The following NDUFB1 variants were observed in gnomAD, a reference collection of about 807,000 sequenced individuals.
The protein encoded by NDUFB1 is NADH dehydrogenase [ubiquinone] 1 beta subcomplex subunit 1.
In NDUFB1, 6 loss-of-function variants were observed where a neutral mutation model predicts 6.7. That is an observed-to-expected ratio of 0.89 (90% CI 0.49 to 1.76). NDUFB1 has a LOEUF of 1.76. Ranked by LOEUF, NDUFB1 falls within the 40% of genes most tolerant of loss-of-function variation. The pLI is 0.01. For synonymous variants in NDUFB1, 17 were observed against 22.9 expected, an observed-to-expected ratio of 0.74 and a Z score of 0.74; for missense variants, 56 against 71.0, an observed-to-expected ratio of 0.79 and a Z score of 0.76.
intron 1 of NDUFB1, chr14:92,118,227 A>G (rs1315751688): frequency 6.5e-6 from 1 of 153,136 alleles, no homozygotes; most frequent in African/African-American, 2.4e-5. Context: ...GATACGATAC[A>G]GAGCAGAGAA....
chr14:92,119,174 T>C (rs1235469584), intron 1 of NDUFB1, among the ~76,000 whole-genome samples: 1 of 151,850 alleles, frequency 6.6e-6, no homozygotes, highest in Admixed American at 6.6e-5. Flanking sequence ...TAGCTGGGTG[T>C]GGTAGTATAT....
At chr14:92,118,998 G>T in intron 1 of NDUFB1, 1 of 334,310 alleles carries the variant, frequency 3.0e-6, no homozygotes, top group East Asian at 1.4e-4. Context: ...GAAAAAAAAA[G>T]GCAAAGGGAG....
rs571302889 is a variant in NDUFB1, at chr14:92,116,338, T to C, written c.141-109A>G. The C allele has an allele frequency of 6.5e-3, 6,151 of 942,032 alleles. 13 individuals are homozygous for C. The highest frequency in any genetic ancestry group is 0.013 in the Middle Eastern group (39 of 2,920). The allele number at this position is 942,032 out of a possible 1,614,324, so 58.4% of individuals were successfully genotyped here. ...ATTGCAATATTTCATTTTCTTTTTTTTTTTTTTTTTTTTGAGACGAAGTCT... is the reference window on the plus strand; with the variant it reads ...ATTGCAATATTTCATTTTCTTTTTTCTTTTTTTTTTTTTGAGACGAAGTCT... On this transcript the variant is annotated intron_variant, in intron 2 of 2. Transcript: ENST00000605997.
chr14:92,117,020 C>A (rs889184172), intron 2 of NDUFB1, among the ~76,000 whole-genome samples: 2 of 152,218 alleles, frequency 1.3e-5, no homozygotes, highest in Non-Finnish European at 2.9e-5. Context: ...GAGGAGCCAT[C>A]TCTAGAGGCA....
chr14:92,121,552 A>G (rs111572939), intron 1 of NDUFB1, 90 bp downstream of exon 1: 5 of 1,582,420 alleles, frequency 3.2e-6, no homozygotes, highest in Non-Finnish European at 2.6e-6. Flanking sequence ...CCCTCCACAC[A>G]TGCACAGCAC....
At chr14:92,116,281 G>T in intron 2 of NDUFB1, 52 bp from the exon 3 acceptor site, 1 of 1,411,710 alleles carries the variant, frequency 7.1e-7, no homozygotes, top group Non-Finnish European at 1.0e-6. Flanking sequence ...ATAAAACTGT[G>T]ATACGAGATA....
At position 92,121,586 on chromosome 14, in the gene NDUFB1, C is replaced by T. The variant is rs536743414; in HGVS notation, c.-6+56G>A. 4 of 1,609,038 alleles carry T rather than the reference C, an allele frequency of 2.5e-6. No homozygotes were observed. In the African/African-American group the frequency reaches 5.3e-5, roughly 21 times the overall value. Reference sequence around the variant, plus strand: ...ACCGAGGGCTTGCCTAGAACCCTCCCCGCCACCGTCGCCGTGATCCTCGTC... The same window carrying T: ...ACCGAGGGCTTGCCTAGAACCCTCCTCGCCACCGTCGCCGTGATCCTCGTC... On this transcript the variant is annotated intron_variant, in intron 1 of 2. Transcript: ENST00000605997.
At chr14:92,121,544 C>T (rs2068763959) in intron 1 of NDUFB1, 98 bp downstream of exon 1, 1 of 1,563,320 alleles carries the variant, frequency 6.4e-7, no homozygotes, top group Non-Finnish European at 8.7e-7. Flanking sequence ...CAGACCACCC[C>T]TCCACACATG....
chr14:92,116,821 C>G (rs76697170), intron 2 of NDUFB1, among the ~76,000 whole-genome samples: 1 of 152,142 alleles, frequency 6.6e-6, no homozygotes, highest in African/African-American at 2.4e-5. Flanking sequence ...TGAGTTCATT[C>G]GAAATGTTTT....
chr14:92,117,010 G>A (rs576748530), intron 2 of NDUFB1, among the ~76,000 whole-genome samples: 22 of 152,298 alleles, frequency 1.4e-4, no homozygotes, highest in African/African-American at 5.1e-4. Flanking sequence ...TCTGCTGCCA[G>A]AGGAGCCATC....
At chr14:92,116,386 T>C (rs1596115491) in intron 2 of NDUFB1, among the ~76,000 whole-genome samples, 157 bp from the exon 3 acceptor site, 2 of 141,240 alleles carry the variant, frequency 1.4e-5, no homozygotes, top group African/African-American at 2.7e-5. Context: ...CAGGCTGGAG[T>C]GCAGTGGCAC....
rs192078818 is a variant in NDUFB1, at chr14:92,119,290, C to A, written c.-5-1648G>T. 1.5e-4 allele frequency among the ~76,000 whole-genome samples: 22 copies of A among 142,670 alleles called. 2 individuals carry two copies. Among genetic ancestry groups the A allele is most frequent in the African/African-American group, 5.4e-4 (20 of 36,938 alleles). The allele number at this position is 142,670 out of a possible 152,430, so 93.6% of individuals were successfully genotyped here. ...TCACACCACTGTACTCTAGCCTGGA[C>A]GACAGAGCGTGATGCTGTCTCAAAA... On this transcript the variant is annotated intron_variant, in intron 1 of 2. Transcript: ENST00000605997.
At chr14:92,117,455 C>T in intron 2 of NDUFB1, 43 bp downstream of exon 2, 1 of 1,607,872 alleles carries the variant, frequency 6.2e-7, no homozygotes, top group Middle Eastern at 2.3e-4. Context: ...AAGAATATTC[C>T]CCAAATTTGG....
At chr14:92,120,862 CTT>C (rs2068755211) in intron 1 of NDUFB1, among the ~76,000 whole-genome samples, 1 of 145,094 alleles carries the variant, frequency 6.9e-6, no homozygotes, top group Non-Finnish European at 1.5e-5. Flanking sequence ...ATACTTTTGT[CTT>C]TTAAAAGGCA....
intron 1 of NDUFB1, 91 bp downstream of exon 1, chr14:92,121,551 C>A: frequency 1.3e-6 from 2 of 1,579,516 alleles, no homozygotes; most frequent in Non-Finnish European, 8.6e-7. Context: ...CCCCTCCACA[C>A]ATGCACAGCA....
chr14:92,120,085 C>T (rs1324095515), intron 1 of NDUFB1, among the ~76,000 whole-genome samples: 2 of 151,818 alleles, frequency 1.3e-5, no homozygotes, highest in East Asian at 1.9e-4. Context: ...ATAAATTGCA[C>T]AATTCAATAA....
chr14:92,116,967 C>A (rs1281084551), intron 2 of NDUFB1, among the ~76,000 whole-genome samples: 1 of 152,228 alleles, frequency 6.6e-6, no homozygotes, highest in African/African-American at 2.4e-5. Context: ...TGTATGCCCA[C>A]TGGCAGGCAT....
At chr14:92,121,367 G>C in intron 1 of NDUFB1, 1 of 551,594 alleles carries the variant, frequency 1.8e-6, no homozygotes, top group South Asian at 2.1e-5. Flanking sequence ...CTTCTCTCCA[G>C]TCCGGTTAGC....
intron 1 of NDUFB1, 39 bp downstream of exon 1, chr14:92,121,603 A>C: frequency 6.2e-7 from 1 of 1,610,632 alleles, no homozygotes; most frequent in Non-Finnish European, 8.5e-7. Flanking sequence ...CGTCGCCGTG[A>C]TCCTCGTCGC....
Sources: gnomAD v4.1 joint callset for allele counts (sites outside exome capture counted in the v4.1 genomes callset) on GRCh38, gnomAD v4.1.1 for gene constraint, MANE v1.5 for transcripts, NCBI Gene and HGNC (gene_info 2026-07-23, HGNC 2026-07-21) for gene names.